Variants in PPP2R2B observed in about 807,000 individuals in gnomAD.
PPP2R2B encodes protein phosphatase 2 regulatory subunit Bbeta.
In PPP2R2B, 5 loss-of-function variants were observed where a neutral mutation model predicts 46.0. The observed-to-expected ratio is 0.11, with a 90% CI of 0.06 to 0.23. The LOEUF is 0.23. Among genes scored for constraint, PPP2R2B ranks in the 10% least tolerant of loss-of-function variants. The probability of loss-of-function intolerance (pLI) is 1.00; values close to 1 mark genes in which losing one functional copy is unlikely to be tolerated. For missense variants in PPP2R2B, 367 were observed against 575.0 expected (o/e 0.64, Z 3.70); for synonymous variants, 215 against 206.7 (o/e 1.04, Z -0.34).
intron 2 of PPP2R2B, among the ~76,000 whole-genome samples, chr5:146,784,444 A>G (rs1755718515): frequency 6.6e-6 from 1 of 152,198 alleles, no homozygotes; most frequent in South Asian, 2.1e-4. Context: ...AAATTGATTC[A>G]ACACAACATT....
chr5:146,920,751 C>G (rs1763574286), intron 1 of PPP2R2B, among the ~76,000 whole-genome samples: 1 of 151,988 alleles, frequency 6.6e-6, no homozygotes, highest in Non-Finnish European at 1.5e-5. Context: ...ACTGTTGTGT[C>G]CTTTTATGCT....
intron 8 of PPP2R2B, among the ~76,000 whole-genome samples, chr5:146,596,497 T>G (rs991161937): frequency 2.6e-5 from 4 of 152,214 alleles, no homozygotes; most frequent in Admixed American, 2.6e-4. Flanking sequence ...ACCATCATCT[T>G]TAAATTACTT....
chr5:146,787,161 T>C (rs1755890384), intron 2 of PPP2R2B, among the ~76,000 whole-genome samples: 1 of 152,156 alleles, frequency 6.6e-6, no homozygotes, highest in African/African-American at 2.4e-5. Context: ...GCCATGGCCT[T>C]TGTTGAGGGT....
At chr5:146,689,894 G>A (rs1778734050) in intron 5 of PPP2R2B, among the ~76,000 whole-genome samples, 1 of 152,244 alleles carries the variant, frequency 6.6e-6, no homozygotes, top group Non-Finnish European at 1.5e-5. Context: ...CTCAACTGAA[G>A]ACCATGTGCC....
At chr5:146,796,162 G>A (rs1320290272) in intron 2 of PPP2R2B, among the ~76,000 whole-genome samples, 2 of 152,120 alleles carry the variant, frequency 1.3e-5, no homozygotes, top group African/African-American at 2.4e-5. Flanking sequence ...TGACATCTGA[G>A]GAGGATTTTA....
intron 2 of PPP2R2B, chr5:146,706,458 G>A (rs988760047): frequency 3.8e-5 from 42 of 1,103,754 alleles, no homozygotes; most frequent in Non-Finnish European, 4.8e-5. Flanking sequence ...CTTCCTGTAG[G>A]TGGCGATCTC....
intron 1 of PPP2R2B, among the ~76,000 whole-genome samples, chr5:146,918,771 T>A (rs1763486932): frequency 6.6e-6 from 1 of 152,180 alleles, no homozygotes; most frequent in Non-Finnish European, 1.5e-5. Flanking sequence ...CACCTGATTA[T>A]CTCATACCTC....
chr5:146,685,878 A>AC (rs1206702427), intron 5 of PPP2R2B, among the ~76,000 whole-genome samples: 2 of 151,772 alleles, frequency 1.3e-5, no homozygotes, highest in Non-Finnish European at 2.9e-5. Context: ...TGCAGCCCTC[A>AC]CCCCCCGCCT....
chr5:146,810,442 C>T (rs1053278599), intron 2 of PPP2R2B, among the ~76,000 whole-genome samples: 17 of 152,140 alleles, frequency 1.1e-4, no homozygotes, highest in African/African-American at 3.6e-4. Flanking sequence ...AGTTATATTC[C>T]GCTGGGTCCA....
chr5:146,596,162 C>T (rs945011061), intron 8 of PPP2R2B, among the ~76,000 whole-genome samples: 54 of 152,140 alleles, frequency 3.5e-4, no homozygotes, highest in African/African-American at 1.3e-3. Flanking sequence ...TAAAATTTAC[C>T]TACAAAGACA....
upstream of PPP2R2B, chr5:146,879,113 C>G (rs1762076597): frequency 5.3e-6 from 1 of 188,658 alleles, no homozygotes. Flanking sequence ...AAGTCTACAT[C>G]CAGGTCCCTT....
At chr5:147,044,442 G>A (rs1756459791) in intron 1 of PPP2R2B, among the ~76,000 whole-genome samples, 1 of 152,036 alleles carries the variant, frequency 6.6e-6, no homozygotes. Context: ...TAATGGGATG[G>A]GAATAGGTGT....
intron 6 of PPP2R2B, among the ~76,000 whole-genome samples, chr5:146,644,382 A>C (rs1208609187): frequency 6.6e-6 from 1 of 152,132 alleles, no homozygotes; most frequent in Non-Finnish European, 1.5e-5. Flanking sequence ...TTAAGTTAAA[A>C]CTGTGATGCG....
At chr5:147,070,484 T>C (rs375031966) in intron 2 of PPP2R2B, among the ~76,000 whole-genome samples, 3 of 152,298 alleles carry the variant, frequency 2.0e-5, no homozygotes, top group East Asian at 3.9e-4. Flanking sequence ...CATTAACTAA[T>C]AGCATAGGCA....
intron 1 of PPP2R2B, among the ~76,000 whole-genome samples, chr5:146,946,886 G>A (rs1222296467): frequency 6.6e-6 from 1 of 151,958 alleles, no homozygotes; most frequent in African/African-American, 2.4e-5. Flanking sequence ...GGGTAGGGGT[G>A]GGGGTATCCG....
At chr5:146,994,486 A>G (rs1172280109) in intron 1 of PPP2R2B, among the ~76,000 whole-genome samples, 2 of 152,182 alleles carry the variant, frequency 1.3e-5, no homozygotes, top group Non-Finnish European at 2.9e-5. Flanking sequence ...GAAGGCCCCC[A>G]GTGAATAATG....
intron 1 of PPP2R2B, among the ~76,000 whole-genome samples, chr5:146,996,667 C>T (rs1753935798): frequency 6.6e-6 from 1 of 152,104 alleles, no homozygotes; most frequent in African/African-American, 2.4e-5. Flanking sequence ...TCAGCAGTGG[C>T]AGGAGTAATG....
rs34720742 is a variant in PPP2R2B at position 147,076,585 on chromosome 5, T to A, written c.50+4474A>T. On this transcript the variant is annotated intron_variant, in intron 2 of 10. Transcript: ENST00000394413. ...AATAAAAGAATAAACATTATGTTTT[T>A]AAAAATTATTTAAGGTTTGTCTTAA... Among the ~76,000 whole-genome samples, 663 of 152,352 alleles carry A rather than the reference T, an allele frequency of 4.4e-3. 2 individuals carry two copies. The highest frequency in any genetic ancestry group is 6.5e-3 in the Non-Finnish European group (445 of 68,020).
chr5:146,901,571 T>A (rs1762837486), intron 1 of PPP2R2B, among the ~76,000 whole-genome samples: 1 of 152,124 alleles, frequency 6.6e-6, no homozygotes, highest in Non-Finnish European at 1.5e-5. Context: ...ATCTGTTGAA[T>A]CTCATTCATA....
Sources: allele counts gnomAD v4.1 joint callset (sites outside exome capture counted in the v4.1 genomes callset), GRCh38; gene constraint gnomAD v4.1.1; transcripts MANE v1.5; gene names NCBI Gene and HGNC (gene_info 2026-07-23, HGNC 2026-07-21).